EYA4: variants seen among roughly 807,000 people sequenced by gnomAD.
EYA4 encodes the protein protein phosphatase EYA4.
EYA4 carries 31 observed loss-of-function variants against 87.9 expected under a neutral mutation model. That is an observed-to-expected ratio of 0.35 (90% confidence interval 0.27 to 0.48). EYA4 has a LOEUF of 0.48. EYA4 is among the 20% of genes least tolerant of loss of function. The pLI is 0.99. For synonymous variants in EYA4, 263 were observed against 270.6 expected, an observed-to-expected ratio of 0.97 and a Z score of 0.28; for missense variants, 678 against 761.4, an observed-to-expected ratio of 0.89 and a Z score of 1.29.
At chr6:133,444,644 T>C (rs980048417) in intron 3 of EYA4, among the ~76,000 whole-genome samples, 10 of 152,144 alleles carry the variant, frequency 6.6e-5, no homozygotes, top group African/African-American at 2.2e-4. Context: ...TACCCCTCCA[T>C]TGACCTGTCA....
chr6:133,366,174 T>C (rs1163468914), intron 2 of EYA4, among the ~76,000 whole-genome samples: 1 of 152,180 alleles, frequency 6.6e-6, no homozygotes, highest in Non-Finnish European at 1.5e-5. Context: ...ATTCAATTGA[T>C]GATGAATTTA....
intron 5 of EYA4, among the ~76,000 whole-genome samples, chr6:133,449,705 G>T (rs1011073318): frequency 3.3e-5 from 5 of 152,138 alleles, no homozygotes; most frequent in African/African-American, 1.2e-4. Flanking sequence ...TTCTTGGCAA[G>T]ACTTTTGTCT....
intron 2 of EYA4, among the ~76,000 whole-genome samples, chr6:133,373,563 G>A (rs575459997): frequency 1.4e-4 from 22 of 152,016 alleles, no homozygotes; most frequent in South Asian, 1.0e-3. Context: ...TTTTAATTTC[G>A]CTGCAGAAGA....
In EYA4 at chr6:133,295,856, A is replaced by G. The variant is rs185169583; in HGVS notation, c.33+21043A>G. ...AGGAACTGTTATAGATGCTGAAAAT[A>G]CTGCAGTGAAAAAAGACACCAAGTT... On this transcript the variant is annotated intron_variant, in intron 2 of 19. Transcript: ENST00000355286. Among the ~76,000 whole-genome samples, 174 of 152,334 alleles carry G rather than the reference A, an allele frequency of 1.1e-3. 1 individual carries two copies. Among genetic ancestry groups the G allele is most frequent in the African/African-American group, 3.9e-3 (162 of 41,572 alleles).
intron 1 of EYA4, among the ~76,000 whole-genome samples, chr6:133,253,819 T>C (rs1775117968): frequency 2.0e-5 from 3 of 152,142 alleles, no homozygotes; most frequent in Admixed American, 6.6e-5. Context: ...TGGGGCTCAT[T>C]GTATGTGTCT....
At chr6:133,444,636 C>A (rs1792625146) in intron 3 of EYA4, among the ~76,000 whole-genome samples, 1 of 152,156 alleles carries the variant, frequency 6.6e-6, no homozygotes, top group Non-Finnish European at 1.5e-5. Context: ...AGTCATTTTA[C>A]CCCTCCATTG....
intron 3 of EYA4, among the ~76,000 whole-genome samples, chr6:133,443,360 A>T (rs970633491): frequency 3.5e-4 from 53 of 152,016 alleles, no homozygotes; most frequent in African/African-American, 1.1e-3. Flanking sequence ...GATCAATTTT[A>T]ATAAATGTGT....
chr6:133,330,704 G>A (rs990102190), intron 2 of EYA4, among the ~76,000 whole-genome samples: 1 of 151,812 alleles, frequency 6.6e-6, no homozygotes, highest in African/African-American at 2.4e-5. Flanking sequence ...ATACACTGTG[G>A]TATTCAAAAA....
At chr6:133,299,559 A>G (rs1169665575) in intron 2 of EYA4, among the ~76,000 whole-genome samples, 2 of 151,756 alleles carry the variant, frequency 1.3e-5, no homozygotes, top group Non-Finnish European at 2.9e-5. Context: ...AAAATACACA[A>G]AAATTAGCCA....
chr6:133,443,545 T>G (rs71576312), intron 3 of EYA4, among the ~76,000 whole-genome samples: 1 of 152,052 alleles, frequency 6.6e-6, no homozygotes, highest in Non-Finnish European at 1.5e-5. Flanking sequence ...CTCTTTATTG[T>G]TTCCTTCTAC....
intron 1 of EYA4, among the ~76,000 whole-genome samples, chr6:133,244,169 CA>C (rs955781876): frequency 2.0e-5 from 3 of 152,108 alleles, no homozygotes; most frequent in African/African-American, 7.2e-5. Context: ...ATATGGTTTT[CA>C]AAAGCCTGTT....
In EYA4 at chr6:133,376,529, C is replaced by T. The variant is rs537110350; in HGVS notation, c.34-5863C>T. Among the ~76,000 whole-genome samples the T allele has an allele frequency of 1.6e-4, 25 of 151,860 alleles. No homozygotes were observed. In the South Asian group the frequency reaches 4.8e-3, roughly 29 times the overall value. ...CCATTAATGTTTCACGATTTGTAATCAGAACTATTCACTAGAAGATAATTG... is the reference window on the plus strand; with the variant it reads ...CCATTAATGTTTCACGATTTGTAATTAGAACTATTCACTAGAAGATAATTG... On this transcript the variant is annotated intron_variant, in intron 2 of 19. Coordinates refer to ENST00000355286, the MANE Select transcript of EYA4 (RefSeq NM_004100.5).
At chr6:133,393,908 G>A (rs1231804094) in intron 3 of EYA4, among the ~76,000 whole-genome samples, 2 of 152,088 alleles carry the variant, frequency 1.3e-5, no homozygotes, top group Non-Finnish European at 2.9e-5. Context: ...CTAAAGTAGT[G>A]TTCTTAAAGT....
chr6:133,378,926 GGTGTGTGTGT>G (rs10681162), intron 2 of EYA4, among the ~76,000 whole-genome samples: 13,006 of 141,800 alleles, frequency 0.092, 687 homozygotes, highest in East Asian at 0.16. Context: ...TTTCTGTCTT[GGTGTGTGTGT>G]GTGTGTGTGT....
At chr6:133,376,655 T>G (rs1381454207) in intron 2 of EYA4, among the ~76,000 whole-genome samples, 1 of 151,970 alleles carries the variant, frequency 6.6e-6, no homozygotes, top group Non-Finnish European at 1.5e-5. Flanking sequence ...CTCAAAAGAT[T>G]GTGAGCTTCT....
At chr6:133,371,017 T>C (rs1367174489) in intron 2 of EYA4, among the ~76,000 whole-genome samples, 1 of 152,158 alleles carries the variant, frequency 6.6e-6, no homozygotes, top group Non-Finnish European at 1.5e-5. Context: ...TTAAATTATT[T>C]AAATATATCT....
chr6:133,405,889 G>C (rs982879517), intron 3 of EYA4, among the ~76,000 whole-genome samples: 1 of 152,108 alleles, frequency 6.6e-6, no homozygotes, highest in African/African-American at 2.4e-5. Context: ...GCAGCTGTCT[G>C]GGAGAAGAGT....
At chr6:133,477,835 C>CATAT (rs540198192) in intron 11 of EYA4, among the ~76,000 whole-genome samples, 4,186 of 146,278 alleles carry the variant, frequency 0.029, 184 homozygotes, top group African/African-American at 0.099. Context: ...CACACACACG[C>CATAT]ATATATATAT....
At chr6:133,376,591 T>C (rs1454563856) in intron 2 of EYA4, among the ~76,000 whole-genome samples, 1 of 151,990 alleles carries the variant, frequency 6.6e-6, no homozygotes, top group Non-Finnish European at 1.5e-5. Flanking sequence ...AGATGCTAGA[T>C]ATAATAAAAG....
Sources: allele counts gnomAD v4.1 joint callset (sites outside exome capture counted in the v4.1 genomes callset), GRCh38; gene constraint gnomAD v4.1.1; transcripts MANE v1.5; gene names NCBI Gene and HGNC (gene_info 2026-07-23, HGNC 2026-07-21).